Variants in TTC9 observed in about 807,000 individuals in gnomAD.
TTC9 encodes tetratricopeptide repeat domain 9.
In TTC9, 13 loss-of-function variants were observed where a neutral mutation model predicts 22.9. That is an observed-to-expected ratio of 0.57 (90% CI 0.37 to 0.90). The LOEUF (loss-of-function observed/expected upper bound fraction) is 0.90, where lower values mean the gene tolerates loss of function less well. Ranked by LOEUF, TTC9 falls within the 40% of genes least tolerant of loss-of-function variation. TTC9 has a pLI of 0.01. For missense variants in TTC9, 280 were observed against 291.8 expected (o/e 0.96, Z 0.29); for synonymous variants, 148 against 133.2 (o/e 1.11, Z -0.77).
intron 1 of TTC9, among the ~76,000 whole-genome samples, chr14:70,643,667 G>A (rs1391211902): frequency 6.6e-6 from 1 of 152,152 alleles, no homozygotes; most frequent in Non-Finnish European, 1.5e-5. Context: ...AGCCGAGGCA[G>A]TGGTGGGGGA....
chr14:70,664,452 G>A (rs1460461700), intron 1 of TTC9, among the ~76,000 whole-genome samples: 2 of 152,102 alleles, frequency 1.3e-5, no homozygotes, highest in African/African-American at 2.4e-5. Flanking sequence ...TGGGCCGGGT[G>A]TAGTGGCTCA....
At chr14:70,670,342 C>T (rs1886274690) in intron 2 of TTC9, among the ~76,000 whole-genome samples, 1 of 152,208 alleles carries the variant, frequency 6.6e-6, no homozygotes, top group Non-Finnish European at 1.5e-5. Flanking sequence ...AAACCTGGCA[C>T]AAGGTTGGCA....
At position 70,675,023 on chromosome 14, in the gene TTC9, A is replaced by G. The variant is rs1339912417; in HGVS notation, c.*3868A>G. On this transcript the variant is annotated 3_prime_UTR_variant, in exon 3 of 3. Coordinates refer to ENST00000256367, the MANE Select transcript of TTC9 (RefSeq NM_015351.2). ...AAAGTTTGTACCAAAACGCTCTCCT[A>G]TTTGGATCCTAGAGAGTACCCTGTT... The G allele has an allele frequency of 2.6e-5, 4 of 152,150 alleles. No individual in the cohort carries two copies. Among genetic ancestry groups the G allele is most frequent in the Non-Finnish European group, 5.9e-5 (4 of 68,026 alleles). 9.4% of individuals were successfully genotyped at this position (152,150 alleles called of 1,614,324 possible). A position where few individuals can be genotyped will look rare whatever the true frequency, so the allele number is the denominator to read the frequency against.
intron 1 of TTC9, among the ~76,000 whole-genome samples, chr14:70,648,941 T>A (rs573813384): frequency 6.6e-6 from 1 of 152,232 alleles, no homozygotes; most frequent in Non-Finnish European, 1.5e-5. Context: ...TAAAGCTCAC[T>A]ATCTTATACA....
At chr14:70,667,420 G>C (rs1267493896) in intron 1 of TTC9, 144 bp from the exon 2 acceptor site, 2 of 816,510 alleles carry the variant, frequency 2.4e-6, no homozygotes, top group Non-Finnish European at 3.8e-6. Context: ...AGGGAGGCTA[G>C]GATTATTGGA....
At chr14:70,659,869 C>T (rs568102918) in intron 1 of TTC9, among the ~76,000 whole-genome samples, 1 of 152,240 alleles carries the variant, frequency 6.6e-6, no homozygotes, top group East Asian at 1.9e-4. Context: ...GGCTCTGACA[C>T]TTACTAGCAT....
intron 1 of TTC9, among the ~76,000 whole-genome samples, chr14:70,655,330 G>T (rs1401274255): frequency 6.6e-6 from 1 of 151,892 alleles, no homozygotes; most frequent in East Asian, 1.9e-4. Flanking sequence ...GGAGGCGGAG[G>T]TTGCAGTGAG....
chr14:70,642,539 A>G lies in TTC9; in HGVS notation c.406+4A>G. ...GACTGTTACAACAGCCTGGCAGGTG[A>G]GCCGCGCCGCGCCCCCCGCGCCGCG... On this transcript the variant is annotated splice_donor_region_variant and intron_variant, in intron 1 of 2. Transcript: ENST00000256367. The G allele has an allele frequency of 6.6e-7, 1 of 1,514,074 alleles. No individual in the cohort carries two copies. The highest frequency in any genetic ancestry group is 8.9e-7 in the Non-Finnish European group (1 of 1,124,026). 93.8% of individuals were successfully genotyped at this position (1,514,074 alleles called of 1,614,324 possible).
chr14:70,669,272 T>C (rs1186809548), intron 2 of TTC9, among the ~76,000 whole-genome samples: 2 of 152,060 alleles, frequency 1.3e-5, no homozygotes, highest in African/African-American at 4.8e-5. Context: ...TTTTGTTGTT[T>C]ATATGGTTAA....
intron 1 of TTC9, among the ~76,000 whole-genome samples, chr14:70,642,906 G>T (rs1287858907): frequency 6.6e-6 from 1 of 152,172 alleles, no homozygotes; most frequent in African/African-American, 2.4e-5. Context: ...CCTGCGGGTG[G>T]GTCCCAAGGG....
intron 1 of TTC9, among the ~76,000 whole-genome samples, chr14:70,662,529 T>G (rs1176368828): frequency 1.3e-5 from 2 of 152,180 alleles, no homozygotes; most frequent in Non-Finnish European, 2.9e-5. Flanking sequence ...ATACCTGACC[T>G]TGATTAATAG....
At position 70,674,624 on chromosome 14, in the gene TTC9, A is replaced by G. The variant is rs1286362456; in HGVS notation, c.*3469A>G. 6.6e-6 allele frequency: 1 copy of G among 152,234 alleles called. No individual in the cohort carries two copies. Among genetic ancestry groups the G allele is most frequent in the Non-Finnish European group, 1.5e-5 (1 of 68,034 alleles). 9.4% of individuals were successfully genotyped at this position (152,234 alleles called of 1,614,324 possible). A position where few individuals can be genotyped will look rare whatever the true frequency, so the allele number is the denominator to read the frequency against. On this transcript the variant is annotated 3_prime_UTR_variant, in exon 3 of 3. Transcript: ENST00000256367. ...CTAGTTTCCCTCTAATTTATTTTGC[A>G]TCCTAGTGGAGATGCTTACACATTG...
Position 70,642,113 on chromosome 14 carries a change from G to A in TTC9, c.-17G>A. The A allele has an allele frequency of 9.1e-7, 1 of 1,101,404 alleles. No individual in the cohort carries two copies. 68.2% of individuals were successfully genotyped at this position (1,101,404 alleles called of 1,614,324 possible). ...GGGCAGATCGCGGCGCGCACCAGGC[G>A]CCGGGGCGGCGGCCGAATGGAGAGA... On this transcript the variant is annotated 5_prime_UTR_variant, in exon 1 of 3. Transcript: ENST00000256367.
chr14:70,659,131 C>T (rs111701439), intron 1 of TTC9, among the ~76,000 whole-genome samples: 4 of 99,186 alleles, frequency 4.0e-5, no homozygotes, highest in Admixed American at 1.3e-4. Flanking sequence ...CACACACACA[C>T]GCACACACAC....
chr14:70,654,456 C>T (rs970116326), intron 1 of TTC9, among the ~76,000 whole-genome samples: 1 of 150,904 alleles, frequency 6.6e-6, no homozygotes, highest in Admixed American at 6.6e-5. Context: ...CCGGGCGTGG[C>T]GGTATATGCT....
At chr14:70,668,486 A>G (rs1886246474) in intron 2 of TTC9, among the ~76,000 whole-genome samples, 1 of 152,246 alleles carries the variant, frequency 6.6e-6, no homozygotes, top group Non-Finnish European at 1.5e-5. Context: ...AAGCAAACAA[A>G]TAGTAAACAA....
In TTC9 at chr14:70,674,879, G is replaced by C. The variant is rs1886347039; in HGVS notation, c.*3724G>C. On this transcript the variant is annotated 3_prime_UTR_variant, in exon 3 of 3. Coordinates refer to ENST00000256367, the MANE Select transcript of TTC9 (RefSeq NM_015351.2). ...CTTCATTGTAAATAGTGTTGCAACT[G>C]ACATTCTTGTAGCTAAATTTTGCAC... is the stretch of plus-strand genomic sequence containing the variant. 6.6e-6 allele frequency: 1 copy of C among 152,160 alleles called. No homozygotes were observed. The highest frequency in any genetic ancestry group is 2.1e-4 in the South Asian group (1 of 4,830). 9.4% of individuals were successfully genotyped at this position (152,160 alleles called of 1,614,324 possible). A position where few individuals can be genotyped will look rare whatever the true frequency, so the allele number is the denominator to read the frequency against.
At chr14:70,645,036 C>T (rs556071653) in intron 1 of TTC9, among the ~76,000 whole-genome samples, 3 of 152,124 alleles carry the variant, frequency 2.0e-5, no homozygotes, top group East Asian at 3.9e-4. Context: ...GGCATAAACC[C>T]GGGAGGCGGA....
intron 1 of TTC9, among the ~76,000 whole-genome samples, chr14:70,662,134 C>T (rs746599767): frequency 5.9e-5 from 9 of 152,140 alleles, no homozygotes; most frequent in Admixed American, 2.0e-4. Context: ...TTCAATGGAG[C>T]CTCTAGATAT....
Sources: gnomAD v4.1 joint callset for allele counts (sites outside exome capture counted in the v4.1 genomes callset) on GRCh38, gnomAD v4.1.1 for gene constraint, MANE v1.5 for transcripts, NCBI Gene and HGNC (gene_info 2026-07-23, HGNC 2026-07-21) for gene names.